The following MRTFA variants were observed in gnomAD, a reference collection of about 807,000 sequenced individuals.
MRTFA encodes the protein myocardin-related transcription factor A.
In MRTFA, 20 loss-of-function variants were observed where a neutral mutation model predicts 83.5. That is an observed-to-expected ratio of 0.24 (90% CI 0.17 to 0.35). MRTFA has a LOEUF of 0.35. Among genes scored for constraint, MRTFA ranks in the 10% least tolerant of loss-of-function variants. The probability of loss-of-function intolerance (pLI) is 1.00; values close to 1 mark genes in which losing one functional copy is unlikely to be tolerated. For missense variants in MRTFA, 1,200 were observed against 1,224.7 expected (o/e 0.98, Z 0.30); for synonymous variants, 659 against 541.2 (o/e 1.22, Z -3.02).
chr22:40,426,384 G>GA (rs1413040507), intron 7 of MRTFA, among the ~76,000 whole-genome samples: 1 of 152,036 alleles, frequency 6.6e-6, no homozygotes, highest in Non-Finnish European at 1.5e-5. Flanking sequence ...CATCCAGCCT[G>GA]AAAATCCCTC....
Position 40,419,049 on chromosome 22 carries a change from G to A in MRTFA, c.1689C>T (p.Leu563=), listed in dbSNP as rs752864239. Reference sequence around the variant, plus strand: ...GGGTGGAGTTTTCATCGCCCGTGCTGAGCAGTGAGCGCTCCGAGGGGGTGG... The same window carrying A: ...GGGTGGAGTTTTCATCGCCCGTGCTAAGCAGTGAGCGCTCCGAGGGGGTGG... Residue 563 remains leucine, a synonymous_variant, in exon 12 of 15, where the codon CTC becomes CTT. Transcript: ENST00000355630. 1.9e-6 allele frequency: 3 copies of A among 1,611,672 alleles called. No homozygotes were observed. Among genetic ancestry groups the A allele is most frequent in the Non-Finnish European group, 2.5e-6 (3 of 1,179,484 alleles).
chr22:40,556,822 T>C (rs1264623479), intron 2 of MRTFA, among the ~76,000 whole-genome samples: 2 of 152,236 alleles, frequency 1.3e-5, no homozygotes, highest in African/African-American at 4.8e-5. Context: ...AGAGCATGTC[T>C]GCTTCTTTTA....
At position 40,462,689 on chromosome 22, in the gene MRTFA, G is replaced by A. The variant is rs57948569; in HGVS notation, c.307+532C>T. Reference sequence around the variant, plus strand: ...ATGGACTTCTGCACCCACTGAGCCCGGTGCCGTGATAGCGCCATCAACGAC... The same window carrying A: ...ATGGACTTCTGCACCCACTGAGCCCAGTGCCGTGATAGCGCCATCAACGAC... On this transcript the variant is annotated intron_variant, in intron 4 of 14. Transcript: ENST00000355630. Among the ~76,000 whole-genome samples the A allele has an allele frequency of 8.3e-4, 127 of 152,284 alleles. 2 individuals are homozygous for A. In the East Asian group the frequency reaches 0.023, roughly 27 times the overall value.
rs140638192 is a variant in MRTFA, at chr22:40,586,924, G to C, written c.-22+7750C>G. 678 of 369,962 alleles carry C rather than the reference G, an allele frequency of 1.8e-3. 8 individuals are homozygous for C. In the East Asian group the frequency reaches 0.038, roughly 21 times the overall value. 22.9% of individuals were successfully genotyped at this position (369,962 alleles called of 1,614,324 possible). On this transcript the variant is annotated intron_variant, in intron 2 of 14. Coordinates refer to ENST00000355630, the MANE Select transcript of MRTFA (RefSeq NM_020831.6). ...GCTGGTGCTGCTGGTGCTGGTGCTGGTGCTGCTGCTGCTGCTGCCACCGCC... is the reference window on the plus strand; with the variant it reads ...GCTGGTGCTGCTGGTGCTGGTGCTGCTGCTGCTGCTGCTGCTGCCACCGCC...
At chr22:40,626,313 G>T (rs1320274978) in intron 1 of MRTFA, among the ~76,000 whole-genome samples, 1 of 143,576 alleles carries the variant, frequency 7.0e-6, no homozygotes, top group Non-Finnish European at 1.5e-5. Flanking sequence ...TTTGAGATGA[G>T]GTCTGGCTCT....
rs55932110 is a variant in MRTFA, at chr22:40,477,175, CAAAAAAAAAAAA to C, written c.242-13901_242-13890del. On this transcript the variant is annotated intron_variant, in intron 3 of 14. Coordinates refer to ENST00000355630, the MANE Select transcript of MRTFA (RefSeq NM_020831.6). ...TGAAACCCTGTCTCTACTAAAAATACAAAAAAAAAAAAAAAAAAAAAAAAAATAGCCGGGCAT... is the reference window on the plus strand; with the variant it reads ...TGAAACCCTGTCTCTACTAAAAATACAAAAAAAAAAAAAATAGCCGGGCAT... Among the ~76,000 whole-genome samples the C allele has an allele frequency of 7.6e-3, 456 of 59,616 alleles. 2 individuals carry two copies. Among genetic ancestry groups the C allele is most frequent in the Non-Finnish European group, 0.01 (330 of 32,400 alleles). 39.1% of individuals were successfully genotyped at this position (59,616 alleles called of 152,430 possible).
chr22:40,566,389 T>A (rs1328569756), intron 2 of MRTFA, among the ~76,000 whole-genome samples: 1 of 152,046 alleles, frequency 6.6e-6, no homozygotes, highest in Admixed American at 6.6e-5. Context: ...CTGGCTAATT[T>A]TTTTGCATTT....
intron 3 of MRTFA, among the ~76,000 whole-genome samples, chr22:40,481,920 C>A (rs933756570): frequency 6.6e-6 from 1 of 151,900 alleles, no homozygotes; most frequent in Non-Finnish European, 1.5e-5. Flanking sequence ...GTTGGCTGGG[C>A]GTGGTGGTGG....
intron 4 of MRTFA, among the ~76,000 whole-genome samples, chr22:40,448,182 C>A (rs1036570988): frequency 6.6e-6 from 1 of 152,220 alleles, no homozygotes; most frequent in East Asian, 1.9e-4. Flanking sequence ...TGACGGTGCA[C>A]GCCTGTAATC....
intron 7 of MRTFA, among the ~76,000 whole-genome samples, chr22:40,426,929 A>C (rs898659012): frequency 1.3e-5 from 2 of 152,226 alleles, no homozygotes; most frequent in African/African-American, 2.4e-5. Context: ...CGCACAAGGC[A>C]GGTGACTCAG....
chr22:40,419,923 A>C (rs1184480759), intron 11 of MRTFA, among the ~76,000 whole-genome samples: 1 of 152,200 alleles, frequency 6.6e-6, no homozygotes, highest in Non-Finnish European at 1.5e-5. Context: ...CAGACACTGC[A>C]CCTGAACGGC....
chr22:40,506,196 T>TGCACTCCAG (rs1199605407), intron 3 of MRTFA, among the ~76,000 whole-genome samples: 1 of 152,136 alleles, frequency 6.6e-6, no homozygotes, highest in African/African-American at 2.4e-5. Context: ...ATTGTGCCAC[T>TGCACTCCAG]GCACTCCAGC....
At position 40,527,937 on chromosome 22, in the gene MRTFA, C is replaced by A. The variant is rs551374436; in HGVS notation, c.241+24169G>T. 4.6e-5 allele frequency among the ~76,000 whole-genome samples: 7 copies of A among 152,186 alleles called. No individual in the cohort carries two copies. In the South Asian group the frequency reaches 1.0e-3, roughly 23 times the overall value. On this transcript the variant is annotated intron_variant, in intron 3 of 14. Coordinates refer to ENST00000355630, the MANE Select transcript of MRTFA (RefSeq NM_020831.6). ...ACAAAAAGGAGGAAAAAAAAAGATGCAGACTGACAAATGAATTCAAATTTC... is the reference window on the plus strand; with the variant it reads ...ACAAAAAGGAGGAAAAAAAAAGATGAAGACTGACAAATGAATTCAAATTTC...
intron 1 of MRTFA, among the ~76,000 whole-genome samples, chr22:40,612,971 C>T (rs1273008157): frequency 6.6e-6 from 1 of 152,116 alleles, no homozygotes; most frequent in African/African-American, 2.4e-5. Context: ...CAAGGACATT[C>T]CCATCACTCT....
Position 40,533,516 on chromosome 22 carries a change from T to A in MRTFA, c.241+18590A>T, listed in dbSNP as rs969266564. On this transcript the variant is annotated intron_variant, in intron 3 of 14. Coordinates refer to ENST00000355630, the MANE Select transcript of MRTFA (RefSeq NM_020831.6). ...TAGTACAAATATGACCCATTTTTTT[T>A]AAAGAAGCCTGTGGCAAATAAGATT... 15 of 942,682 alleles carry A rather than the reference T, an allele frequency of 1.6e-5. No homozygotes were observed. The African/African-American group carries it at 1.9e-4, about 12-fold the overall frequency. The allele number at this position is 942,682 out of a possible 1,614,324, so 58.4% of individuals were successfully genotyped here.
intron 3 of MRTFA, among the ~76,000 whole-genome samples, chr22:40,470,448 C>G (rs1358948503): frequency 6.6e-6 from 1 of 150,488 alleles, no homozygotes; most frequent in East Asian, 1.9e-4. Flanking sequence ...TGAAACAGTG[C>G]TTAGAGGGAA....
intron 3 of MRTFA, among the ~76,000 whole-genome samples, chr22:40,488,594 G>C (rs2147197258): frequency 6.6e-6 from 1 of 152,090 alleles, no homozygotes; most frequent in South Asian, 2.1e-4. Flanking sequence ...CTCTTTGAGA[G>C]GCCAAGGCGG....
chr22:40,539,956 C>T (rs1306193834), intron 3 of MRTFA, among the ~76,000 whole-genome samples: 2 of 138,102 alleles, frequency 1.4e-5, no homozygotes, highest in Non-Finnish European at 3.0e-5. Flanking sequence ...GTTGCCCAGA[C>T]AAGAGTACAG....
intron 7 of MRTFA, among the ~76,000 whole-genome samples, chr22:40,425,911 C>T (rs1046722727): frequency 6.6e-6 from 1 of 152,312 alleles, no homozygotes; most frequent in East Asian, 1.9e-4. Context: ...CTCACAGTCA[C>T]ATCCTGGGAA....
Sources: gnomAD v4.1 joint callset for allele counts (sites outside exome capture counted in the v4.1 genomes callset) on GRCh38, gnomAD v4.1.1 for gene constraint, MANE v1.5 for transcripts, NCBI Gene and HGNC (gene_info 2026-07-23, HGNC 2026-07-21) for gene names.